VRK3: variants seen among roughly 807,000 people sequenced by gnomAD.
VRK3 encodes serine/threonine-protein kinase VRK3.
In VRK3, 50 loss-of-function variants were observed where a neutral mutation model predicts 60.4. The observed-to-expected ratio is 0.83, with a 90% CI of 0.66 to 1.05. VRK3 has a LOEUF of 1.05. VRK3 is among the 50% of genes least tolerant of loss of function. The pLI is 0.00. For synonymous variants in VRK3, 246 were observed against 227.8 expected, an observed-to-expected ratio of 1.08 and a Z score of -0.72; for missense variants, 549 against 585.3, an observed-to-expected ratio of 0.94 and a Z score of 0.64.
At chr19:49,979,607 C>A (rs2076389206) in intron 13 of VRK3, among the ~76,000 whole-genome samples, 1 of 152,144 alleles carries the variant, frequency 6.6e-6, no homozygotes, top group African/African-American at 2.4e-5. Context: ...TAGCATGTAT[C>A]TTTAAAGAGG....
chr19:49,994,490 T>G (rs7247777), intron 9 of VRK3, among the ~76,000 whole-genome samples: 7,977 of 152,258 alleles, frequency 0.052, 685 homozygotes, highest in African/African-American at 0.18. Context: ...TCTATCCTCT[T>G]CCTCTTCCAC....
intron 10 of VRK3, among the ~76,000 whole-genome samples, chr19:49,990,802 T>C (rs1261209794): frequency 6.6e-6 from 1 of 152,054 alleles, no homozygotes; most frequent in Non-Finnish European, 1.5e-5. Context: ...TTTTAAGTTT[T>C]GAGACAGGGT....
At chr19:49,990,903 G>C (rs1191994215) in intron 10 of VRK3, among the ~76,000 whole-genome samples, 1 of 151,986 alleles carries the variant, frequency 6.6e-6, no homozygotes, top group Non-Finnish European at 1.5e-5. Context: ...TTCTACCTCA[G>C]CCTCCTGAGT....
At chr19:49,980,931 G>C (rs775580541) in intron 13 of VRK3, 24 bp downstream of exon 13, 7 of 1,602,204 alleles carry the variant, frequency 4.4e-6, no homozygotes, top group Non-Finnish European at 6.0e-6. Context: ...GTCCCCGCCT[G>C]TTCCCGCTCC....
chr19:50,012,669 G>A (rs2077013777), intron 3 of VRK3, among the ~76,000 whole-genome samples: 1 of 151,824 alleles, frequency 6.6e-6, no homozygotes, highest in Non-Finnish European at 1.5e-5. Context: ...GAGGCCAGGA[G>A]TTTAAGACCA....
At chr19:50,010,099 GTATA>G (rs570342206) in intron 3 of VRK3, among the ~76,000 whole-genome samples, 2 of 151,462 alleles carry the variant, frequency 1.3e-5, no homozygotes, top group South Asian at 2.1e-4. Flanking sequence ...ATGATTGTGT[GTATA>G]TATATACACA....
At chr19:50,009,411 A>T in intron 3 of VRK3, 26 bp from the exon 4 acceptor site, 1 of 1,611,240 alleles carries the variant, frequency 6.2e-7, no homozygotes, top group Middle Eastern at 2.0e-4. Context: ...CAAAATGCAG[A>T]CTGGAGTTAC....
At chr19:50,000,435 C>T (rs912517462) in intron 6 of VRK3, 5 of 322,180 alleles carry the variant, frequency 1.6e-5, no homozygotes, top group African/African-American at 6.6e-5. Context: ...AGTAGGTGCT[C>T]GATACGAGCA....
At chr19:49,991,393 G>A (rs899641217) in intron 10 of VRK3, among the ~76,000 whole-genome samples, 2 of 152,104 alleles carry the variant, frequency 1.3e-5, no homozygotes, top group Non-Finnish European at 2.9e-5. Context: ...TTGGGTCTCA[G>A]GCCTGCTGGC....
At chr19:50,021,529 GC>G (rs1181708044) in intron 1 of VRK3, among the ~76,000 whole-genome samples, 1 of 152,208 alleles carries the variant, frequency 6.6e-6, no homozygotes, top group African/African-American at 2.4e-5. Flanking sequence ...GAGGCCCCTG[GC>G]CAACAGCCAC....
At chr19:50,015,960 C>A in intron 3 of VRK3, 64 bp downstream of exon 3, 1 of 1,603,944 alleles carries the variant, frequency 6.2e-7, no homozygotes, top group Non-Finnish European at 8.5e-7. Context: ...CCTCCCTCCG[C>A]AGACACACAC....
intron 12 of VRK3, among the ~76,000 whole-genome samples, chr19:49,984,651 G>T (rs1025694653): frequency 6.6e-6 from 1 of 151,758 alleles, no homozygotes; most frequent in Non-Finnish European, 1.5e-5. Flanking sequence ...TTCTTTTTTT[G>T]AGACAGGGTC....
At chr19:50,011,156 C>A (rs1442221257) in intron 3 of VRK3, among the ~76,000 whole-genome samples, 1 of 152,286 alleles carries the variant, frequency 6.6e-6, no homozygotes. Context: ...AAAACACAGG[C>A]TCAAGGCCAT....
intron 12 of VRK3, chr19:49,987,679 T>C (rs2076539390): frequency 6.7e-6 from 1 of 150,322 alleles, no homozygotes; most frequent in South Asian, 2.1e-4. Flanking sequence ...GAATGAGTCA[T>C]AGTTTCCCAC....
At chr19:49,989,016 C>T (rs2076565214) in intron 11 of VRK3, among the ~76,000 whole-genome samples, 3 of 152,132 alleles carry the variant, frequency 2.0e-5, no homozygotes, top group Non-Finnish European at 2.9e-5. Context: ...ATTTAGACAA[C>T]GCTTTGTGTA....
intron 11 of VRK3, 50 bp from the exon 12 acceptor site, chr19:49,988,542 A>G (rs1290320697): frequency 1.3e-6 from 2 of 1,595,944 alleles, no homozygotes; most frequent in African/African-American, 1.3e-5. Context: ...CGCTCCACTC[A>G]CTGGTGGGTC....
chr19:49,977,652 A>G (rs10413752), intron 14 of VRK3, among the ~76,000 whole-genome samples: 8,098 of 152,164 alleles, frequency 0.053, 712 homozygotes, highest in African/African-American at 0.19. Flanking sequence ...CCCCGTGGTC[A>G]GTCTCACCCG....
chr19:49,982,574 T>C (rs936946519), intron 12 of VRK3, among the ~76,000 whole-genome samples: 3 of 152,242 alleles, frequency 2.0e-5, no homozygotes, highest in African/African-American at 7.2e-5. Flanking sequence ...GAATGCTGTC[T>C]GGTTCCACCC....
chr19:49,996,376 G>A (rs1696223802), intron 7 of VRK3, among the ~76,000 whole-genome samples: 1 of 151,970 alleles, frequency 6.6e-6, no homozygotes, highest in Admixed American at 6.6e-5. Flanking sequence ...AATTTCTGCA[G>A]TGTAAATAAA....
Sources: allele counts gnomAD v4.1 joint callset (sites outside exome capture counted in the v4.1 genomes callset), GRCh38; gene constraint gnomAD v4.1.1; transcripts MANE v1.5; gene names NCBI Gene and HGNC (gene_info 2026-07-23, HGNC 2026-07-21).